BCAS3: variants seen among roughly 807,000 people sequenced by gnomAD.
BCAS3 encodes the protein BCAS3 microtubule associated cell migration factor, also known as BCAS4/BCAS3 fusion.
A neutral mutation model predicts 116.1 loss-of-function variants in BCAS3; 53 were observed. The observed-to-expected ratio is 0.46, with a 90% confidence interval of 0.37 to 0.57. BCAS3 has a LOEUF of 0.57. Among genes scored for constraint, BCAS3 ranks in the 20% least tolerant of loss-of-function variants. The pLI, the probability that BCAS3 is intolerant of heterozygous loss-of-function variation, is 0.00. For synonymous variants in BCAS3, 391 were observed against 408.2 expected, an observed-to-expected ratio of 0.96 and a Z score of 0.51; for missense variants, 917 against 1,165.4, an observed-to-expected ratio of 0.79 and a Z score of 3.10.
In BCAS3 at chr17:61,251,255, T is replaced by C. The variant is rs1341470139; in HGVS notation, c.2426-117072T>C. ...CTGTTAACTCAAGGCCTGATTCTAA[T>C]GAATTTGGGATTCCTTGCTGAAAAA... On this transcript the variant is annotated intron_variant, in intron 22 of 23. Transcript: ENST00000407086. This position sits in a 1 kb window ranked among gnomAD's most constrained non-coding sequence, Gnocchi z 4.7. 6.6e-6 allele frequency among the ~76,000 whole-genome samples: 1 copy of C among 152,170 alleles called. No individual in the cohort carries two copies.
At chr17:61,089,927 A>T (rs1601146859) in intron 22 of BCAS3, among the ~76,000 whole-genome samples, 1 of 152,158 alleles carries the variant, frequency 6.6e-6, no homozygotes, top group South Asian at 2.1e-4. Context: ...AGGCTGTCAG[A>T]GGCATAGAGA....
At chr17:60,774,952 G>A (rs1266407472) in intron 6 of BCAS3, among the ~76,000 whole-genome samples, 5 of 152,168 alleles carry the variant, frequency 3.3e-5, no homozygotes, top group African/African-American at 1.2e-4. Flanking sequence ...GGGTAAATCT[G>A]ATCTGCTGCA....
At chr17:60,697,707 C>T (rs1462093204) in intron 4 of BCAS3, among the ~76,000 whole-genome samples, 1 of 151,770 alleles carries the variant, frequency 6.6e-6, no homozygotes, top group Non-Finnish European at 1.5e-5. Context: ...GGAGAGTATA[C>T]TGAGTGCAGT....
At position 60,809,315 on chromosome 17, in the gene BCAS3, C is replaced by T. The variant is rs527243104; in HGVS notation, c.476+1239C>T. 5.3e-5 allele frequency among the ~76,000 whole-genome samples: 8 copies of T among 151,556 alleles called. No homozygotes were observed. The South Asian group carries it at 1.7e-3, about 32-fold the overall frequency. ...GAGAGTTTGTGACTTAGATTTAATG[C>T]CATCTGCAAAACAGATGAAAACAAC... is the stretch of plus-strand genomic sequence containing the variant. On this transcript the variant is annotated intron_variant, in intron 7 of 23. Coordinates refer to ENST00000407086, the MANE Select transcript of BCAS3 (RefSeq NM_017679.5).
Position 60,925,900 on chromosome 17 carries a change from C to T in BCAS3, c.1087+1400C>T, listed in dbSNP as rs577706426. ...TTGCATATATAATGAGTTATCTTGG[C>T]GGTGGGACCCAAGTCTAAATACAAA... On this transcript the variant is annotated intron_variant, in intron 13 of 23. Coordinates refer to ENST00000407086, the MANE Select transcript of BCAS3 (RefSeq NM_017679.5). 2.0e-3 allele frequency among the ~76,000 whole-genome samples: 304 copies of T among 151,622 alleles called. 3 individuals are homozygous for T. The highest frequency in any genetic ancestry group is 7.1e-3 in the African/African-American group (294 of 41,348).
rs572517141 is a variant in BCAS3, at chr17:60,788,170, A to G, written c.404-19834A>G. ...CGCCTTTATCAATAATTTTGTTTAC[A>G]ATTTTCAGCAGATGAGTTGATCATT... is the stretch of plus-strand genomic sequence containing the variant. On this transcript the variant is annotated intron_variant, in intron 6 of 23. Transcript: ENST00000407086. Among the ~76,000 whole-genome samples, 15 of 152,296 alleles carry G rather than the reference A, an allele frequency of 9.8e-5. No individual in the cohort carries two copies. The South Asian group carries it at 3.1e-3, about 32-fold the overall frequency.
rs1174163830 is a variant in BCAS3, at chr17:61,077,157, G to T, written c.2131-1176G>T. Among the ~76,000 whole-genome samples the T allele has an allele frequency of 6.6e-6, 1 of 151,048 alleles. No homozygotes were observed. Among genetic ancestry groups the T allele is most frequent in the African/African-American group, 2.4e-5 (1 of 40,990 alleles). ...ATTTGTAAAAAAAAAAAAAAATCAT[G>T]TAATATATATATTTTCAGGTTTTTC... On this transcript the variant is annotated intron_variant, in intron 20 of 23. Transcript: ENST00000407086. The surrounding 1 kb of genome is among the most constrained non-coding windows in gnomAD (Gnocchi z 4.3).
At chr17:60,911,931 C>G (rs1482524069) in intron 12 of BCAS3, among the ~76,000 whole-genome samples, 1 of 152,110 alleles carries the variant, frequency 6.6e-6, no homozygotes, top group African/African-American at 2.4e-5. Context: ...ATTATAAAAT[C>G]TTGTATCTTC....
intron 4 of BCAS3, among the ~76,000 whole-genome samples, chr17:60,694,230 T>C (rs1287858420): frequency 6.8e-6 from 1 of 147,594 alleles, no homozygotes; most frequent in Non-Finnish European, 1.5e-5. Flanking sequence ...TGGCTGGGCG[T>C]GGTGGCTCAT....
chr17:60,788,249 T>G (rs1266292550), intron 6 of BCAS3, among the ~76,000 whole-genome samples: 4 of 152,216 alleles, frequency 2.6e-5, no homozygotes, highest in African/African-American at 7.2e-5. Context: ...AAAAGAATTC[T>G]TGTCTAGCTT....
chr17:61,304,803 G>T (rs1182569475), intron 22 of BCAS3, among the ~76,000 whole-genome samples: 1 of 151,454 alleles, frequency 6.6e-6, no homozygotes, highest in African/African-American at 2.4e-5. Context: ...GCCCAGGTTG[G>T]AGTGCAATGA....
chr17:61,078,419 A>G lies in BCAS3; in HGVS notation c.2217A>G (p.Gln739=). 6.2e-7 allele frequency: 1 copy of G among 1,614,154 alleles called. No individual in the cohort carries two copies. The highest frequency in any genetic ancestry group is 1.3e-5 in the African/African-American group (1 of 75,038). The part of the protein sequence containing the change: ...FQFKTIHPSG[Q]TTVISSSSSV... ...TCAAAACCATCCATCCCTCAGGCCA[A>G]ACCACAGTTATCTCATCCAGTTCAT... The change falls in exon 21 of 24, where the codon CAA becomes CAG. Residue 739 remains glutamine, a synonymous_variant. Transcript: ENST00000407086.
At chr17:60,963,479 G>T (rs999670631) in intron 14 of BCAS3, among the ~76,000 whole-genome samples, 5 of 149,694 alleles carry the variant, frequency 3.3e-5, no homozygotes, top group African/African-American at 1.2e-4. Flanking sequence ...TTATATTTTT[G>T]TAGCTATTAC....
Position 60,902,636 on chromosome 17 carries a change from A to G in BCAS3, c.755A>G (p.Gln252Arg). The change falls in exon 11 of 24, where the codon CAG becomes CGG. Residue 252 changes from glutamine (Q) to arginine (R), a missense_variant. Transcript: ENST00000407086. ...TTTTCTCAGTTGATTCGATGTCATC[A>G]GTCCCGTGGTGGAGCCTGTGGAGAC... is the stretch of plus-strand genomic sequence containing the variant. ...YAENKLIRCH[Q>R]SRGGACGDNI... is the part of the protein sequence containing the mutation. The G allele has an allele frequency of 6.2e-7, 1 of 1,611,678 alleles. No individual in the cohort carries two copies. Among genetic ancestry groups the G allele is most frequent in the Non-Finnish European group, 8.5e-7 (1 of 1,177,788 alleles).
chr17:60,868,770 T>A (rs114586742), intron 8 of BCAS3, 87 bp downstream of exon 8: 11 of 679,474 alleles, frequency 1.6e-5, no homozygotes, highest in Non-Finnish European at 2.4e-5. Flanking sequence ...AATGACTAAC[T>A]TAGATTTATT....
chr17:61,319,008 A>G (rs971551714), intron 22 of BCAS3, among the ~76,000 whole-genome samples: 2 of 152,220 alleles, frequency 1.3e-5, no homozygotes, highest in African/African-American at 4.8e-5. Context: ...GAGCAAGCTC[A>G]TTCTCTTTTC....
rs932008115 is a variant in BCAS3, at chr17:61,013,694, C to T, written c.1487-2057C>T. ...AATTGGAAATTGAGGAGATAGAGAA[C>T]GATTTATTTTATTTGCATGAATTTC... On this transcript the variant is annotated intron_variant, in intron 15 of 23. Transcript: ENST00000407086. This position sits in a 1 kb window ranked among gnomAD's most constrained non-coding sequence, Gnocchi z 4.4. 2.6e-5 allele frequency among the ~76,000 whole-genome samples: 4 copies of T among 151,900 alleles called. No homozygotes were observed. The highest frequency in any genetic ancestry group is 1.9e-4 in the East Asian group (1 of 5,196).
chr17:61,173,369 A>T (rs889552379), intron 22 of BCAS3, among the ~76,000 whole-genome samples: 1 of 151,720 alleles, frequency 6.6e-6, no homozygotes, highest in African/African-American at 2.4e-5. Context: ...GAATCATTTG[A>T]ACCCGAGAGG....
rs1428793240 is a variant in BCAS3 at position 61,097,131 on chromosome 17, A to G, written c.2425+12567A>G. Among the ~76,000 whole-genome samples, 1 of 152,170 alleles carries G rather than the reference A, an allele frequency of 6.6e-6. No individual in the cohort carries two copies. Among genetic ancestry groups the G allele is most frequent in the Non-Finnish European group, 1.5e-5 (1 of 68,020 alleles). On this transcript the variant is annotated intron_variant, in intron 22 of 23. Coordinates refer to ENST00000407086, the MANE Select transcript of BCAS3 (RefSeq NM_017679.5). The surrounding 1 kb of genome is among the most constrained non-coding windows in gnomAD (Gnocchi z 4.0). ...TTATAATCAAACTGTTCAGATCTAA[A>G]CATAAGGAAGGAATTTTAAGAAGCC...
Sources: allele counts gnomAD v4.1 joint callset (sites outside exome capture counted in the v4.1 genomes callset), GRCh38; gene constraint gnomAD v4.1.1; non-coding constraint Gnocchi (gnomAD v3.1); transcripts MANE v1.5; gene names NCBI Gene and HGNC (gene_info 2026-07-23, HGNC 2026-07-21).